MEGF11: variants seen among roughly 807,000 people sequenced by gnomAD.
MEGF11 encodes the protein multiple EGF like domains 11.
In MEGF11, 126 loss-of-function variants were observed where a neutral mutation model predicts 146.6. The ratio of observed to expected loss-of-function variants is 0.86; its 90% CI spans 0.74 to 1.00. The LOEUF (loss-of-function observed/expected upper bound fraction) is 1.00. MEGF11 is among the 50% of genes least tolerant of loss of function. MEGF11 has a pLI of 0.00. For synonymous variants in MEGF11, 532 were observed against 583.4 expected, an observed-to-expected ratio of 0.91 and a Z score of 1.27; for missense variants, 1,509 against 1,521.2, an observed-to-expected ratio of 0.99 and a Z score of 0.13.
At chr15:65,924,911 G>A (rs1012260862) in intron 13 of MEGF11, among the ~76,000 whole-genome samples, 2 of 152,172 alleles carry the variant, frequency 1.3e-5, no homozygotes, top group African/African-American at 4.8e-5. Flanking sequence ...TTACAGTCGT[G>A]AGCCACTGTG....
At chr15:65,928,648 G>A (rs1303876546) in intron 12 of MEGF11, 121 bp from the exon 13 acceptor site, 1 of 575,350 alleles carries the variant, frequency 1.7e-6, no homozygotes, top group Non-Finnish European at 2.9e-6. Flanking sequence ...ACTGGATCTT[G>A]ATGACAAAAC....
In MEGF11 at chr15:66,115,960, G is replaced by A. The variant is rs117786501; in HGVS notation, c.301+3126C>T. Among the ~76,000 whole-genome samples the A allele has an allele frequency of 8.5e-5, 13 of 152,300 alleles. No individual in the cohort carries two copies. The East Asian group carries it at 2.1e-3, about 25-fold the overall frequency. ...CAGAACTGTGAGACGATAAACCGCT[G>A]CCGGTGAAGCCGCCCAGCCTGTGGT... On this transcript the variant is annotated intron_variant, in intron 4 of 25. Coordinates refer to ENST00000395614, the MANE Select transcript of MEGF11 (RefSeq NM_001385028.1).
chr15:66,051,513 A>G (rs1205431867), intron 5 of MEGF11, among the ~76,000 whole-genome samples: 1 of 152,200 alleles, frequency 6.6e-6, no homozygotes, highest in Non-Finnish European at 1.5e-5. Flanking sequence ...GAGGGAAGAC[A>G]AGAGTTGGCT....
At chr15:66,238,657 C>G (rs1308383024) in intron 1 of MEGF11, among the ~76,000 whole-genome samples, 1 of 152,218 alleles carries the variant, frequency 6.6e-6, no homozygotes, top group Admixed American at 6.5e-5. Flanking sequence ...TATCATAACC[C>G]TGACTGTACA....
intron 1 of MEGF11, among the ~76,000 whole-genome samples, chr15:66,157,088 C>T (rs2089786136): frequency 8.3e-6 from 1 of 120,746 alleles, no homozygotes; most frequent in South Asian, 3.2e-4. Context: ...GAAATGGGAC[C>T]AACGCCTTAC....
At chr15:66,026,768 A>T (rs570630280) in intron 5 of MEGF11, among the ~76,000 whole-genome samples, 2 of 152,094 alleles carry the variant, frequency 1.3e-5, no homozygotes, top group Admixed American at 1.3e-4. Context: ...GATTACAGGC[A>T]TAAGCCACCA....
At chr15:65,914,324 A>C (rs948156559) in intron 19 of MEGF11, among the ~76,000 whole-genome samples, 1 of 152,178 alleles carries the variant, frequency 6.6e-6, no homozygotes, top group Non-Finnish European at 1.5e-5. Flanking sequence ...AATTTATCAA[A>C]AGGTTAGGTA....
intron 5 of MEGF11, among the ~76,000 whole-genome samples, chr15:66,032,657 C>A (rs539586726): frequency 6.6e-6 from 1 of 152,324 alleles, no homozygotes; most frequent in East Asian, 1.9e-4. Flanking sequence ...AAGAACTTGG[C>A]TGAACTATGC....
rs3221608 is a variant in MEGF11 at position 66,160,664 on chromosome 15, GACAC to G, written c.-8-32257_-8-32254del. ...CAGGCACTGCTCTAGGCCCTAAGGG[GACAC>G]ACACACACACACACACACACACACA... On this transcript the variant is annotated intron_variant, in intron 1 of 25. Coordinates refer to ENST00000395614, the MANE Select transcript of MEGF11 (RefSeq NM_001385028.1). Among the ~76,000 whole-genome samples the G allele has an allele frequency of 5.8e-3, 802 of 137,600 alleles. 6 individuals are homozygous for G. The highest frequency in any genetic ancestry group is 0.021 in the African/African-American group (728 of 34,920). The allele number at this position is 137,600 out of a possible 152,430, so 90.3% of individuals were successfully genotyped here.
chr15:66,081,550 T>C (rs947600075), intron 5 of MEGF11, among the ~76,000 whole-genome samples: 3 of 152,188 alleles, frequency 2.0e-5, no homozygotes, highest in African/African-American at 7.2e-5. Context: ...AGCTAATTTC[T>C]GTATTTTTAG....
intron 19 of MEGF11, among the ~76,000 whole-genome samples, chr15:65,914,997 G>A (rs1023740352): frequency 3.9e-5 from 6 of 152,180 alleles, no homozygotes; most frequent in East Asian, 1.9e-4. Flanking sequence ...GGTGTCATCC[G>A]ACTGTAGTGC....
intron 13 of MEGF11, among the ~76,000 whole-genome samples, chr15:65,928,217 T>C (rs1471162852): frequency 6.6e-6 from 1 of 152,200 alleles, no homozygotes; most frequent in East Asian, 1.9e-4. Context: ...TCCAGTGCCT[T>C]GGACAGAGCT....
At chr15:66,239,600 G>A (rs914617911) in intron 1 of MEGF11, among the ~76,000 whole-genome samples, 1 of 152,200 alleles carries the variant, frequency 6.6e-6, no homozygotes, top group Non-Finnish European at 1.5e-5. Flanking sequence ...ACTACCAGTG[G>A]TCTCATCTAA....
intron 5 of MEGF11, among the ~76,000 whole-genome samples, chr15:66,045,909 C>A (rs959476469): frequency 6.6e-6 from 1 of 152,080 alleles, no homozygotes; most frequent in Non-Finnish European, 1.5e-5. Context: ...TCAAGACCAG[C>A]CTGGCCAACA....
chr15:66,221,717 C>T (rs1338932284), intron 1 of MEGF11, among the ~76,000 whole-genome samples: 1 of 151,874 alleles, frequency 6.6e-6, no homozygotes, highest in African/African-American at 2.4e-5. Flanking sequence ...AACATTTTTC[C>T]CTAAAGAACA....
chr15:65,908,342 C>T (rs1211221779), intron 23 of MEGF11, among the ~76,000 whole-genome samples: 2 of 152,128 alleles, frequency 1.3e-5, no homozygotes, highest in Non-Finnish European at 2.9e-5. Flanking sequence ...CCAGAGGAGC[C>T]ACATTGTAGG....
At chr15:66,217,648 C>T (rs558250820) in intron 1 of MEGF11, among the ~76,000 whole-genome samples, 1 of 152,330 alleles carries the variant, frequency 6.6e-6, no homozygotes, top group East Asian at 1.9e-4. Flanking sequence ...TGGAGACAAG[C>T]CTGATGTTGT....
chr15:66,228,052 C>G (rs779140999), intron 1 of MEGF11, among the ~76,000 whole-genome samples: 17 of 152,140 alleles, frequency 1.1e-4, no homozygotes, highest in Non-Finnish European at 2.2e-4. Context: ...GGGCAGGTCA[C>G]TTCCTCTCCC....
At chr15:66,038,919 C>T (rs1449751343) in intron 5 of MEGF11, among the ~76,000 whole-genome samples, 1 of 152,132 alleles carries the variant, frequency 6.6e-6, no homozygotes, top group African/African-American at 2.4e-5. Flanking sequence ...CCCTTGGGCA[C>T]CTGTAGGGCT....
Sources: allele counts gnomAD v4.1 joint callset (sites outside exome capture counted in the v4.1 genomes callset), GRCh38; gene constraint gnomAD v4.1.1; transcripts MANE v1.5; gene names NCBI Gene and HGNC (gene_info 2026-07-23, HGNC 2026-07-21).